FH: variants seen among roughly 807,000 people sequenced by gnomAD.
The protein encoded by FH is fumarate hydratase.
A neutral mutation model predicts 49.4 loss-of-function variants in FH; 22 were observed. That is an observed-to-expected ratio of 0.45 (90% CI 0.32 to 0.64). The LOEUF is 0.64. Among genes scored for constraint, FH ranks in the 30% least tolerant of loss-of-function variants. The probability of loss-of-function intolerance (pLI) is 0.05; values close to 1 mark genes in which losing one functional copy is unlikely to be tolerated. For synonymous variants in FH, 208 were observed against 223.0 expected (o/e 0.93, Z 0.60); for missense variants, 526 against 641.5 (o/e 0.82, Z 1.95).
intron 7 of FH, 34 bp from the exon 8 acceptor site, chr1:241,502,604 T>A (rs201600104): frequency 6.2e-7 from 1 of 1,609,566 alleles, no homozygotes; most frequent in Non-Finnish European, 8.5e-7. Flanking sequence ...GAGTAAAGAC[T>A]AAATTTATGC....
At chr1:241,506,235 C>T in intron 5 of FH, 67 bp from the exon 6 acceptor site, 1 of 1,209,220 alleles carries the variant, frequency 8.3e-7, no homozygotes, top group Non-Finnish European at 1.2e-6. Flanking sequence ...ACTCTAACTG[C>T]ATTAAATAGA....
chr1:241,519,161 C>T (rs1660298056), intron 1 of FH: 1 of 173,704 alleles, frequency 5.8e-6, no homozygotes. Flanking sequence ...CAAGGCCCAG[C>T]TATGGGGCAG....
chr1:241,499,068 A>T (rs1659700597), intron 9 of FH, among the ~76,000 whole-genome samples: 4 of 152,104 alleles, frequency 2.6e-5, no homozygotes, highest in Admixed American at 2.6e-4. Flanking sequence ...TAAACTCTTG[A>T]GATCAATATA....
chr1:241,509,778 A>AAC (rs71174810), intron 4 of FH, among the ~76,000 whole-genome samples: 4,235 of 139,316 alleles, frequency 0.03, 82 homozygotes, highest in East Asian at 0.068. Context: ...ACAATCTCTA[A>AAC]ACACACACAC....
At chr1:241,518,939 T>C (rs1660291457) in intron 1 of FH, 1 of 152,252 alleles carries the variant, frequency 6.6e-6, no homozygotes, top group Non-Finnish European at 1.5e-5. Flanking sequence ...CAGAACACTA[T>C]GCCCGCGGTA....
At position 241,511,988 on chromosome 1, in the gene FH, G is replaced by T. The variant is rs375878939; in HGVS notation, c.534C>A (p.Asn178Lys). The T allele has an allele frequency of 6.2e-7, 1 of 1,613,852 alleles. No individual in the cohort carries two copies. Among genetic ancestry groups the T allele is most frequent in the East Asian group, 2.2e-5 (1 of 44,850 alleles). Residue 178 changes from asparagine (N) to lysine (K), a missense_variant, in exon 4 of 10, where the codon AAC becomes AAA. Asn to Lys is a moderately conservative substitution (Grantham distance 94). Transcript: ENST00000366560. ...TGACCTGGCTTTTATTAACATGATC[G>T]TTGGGATGCACAGGTATCTTGCTGC... ...ELGSKIPVHPNDHVNKSQSSN... is the reference protein window; with the variant it reads ...ELGSKIPVHPKDHVNKSQSSN...
In FH at chr1:241,500,378, A is replaced by C. The variant is rs1465199208; in HGVS notation, c.1390+59T>G. ...AACACTGATCCACTTGTCTCTTAAA[A>C]ATGGTTTAGCTTTTTAATTTTGCAT... On this transcript the variant is annotated intron_variant, in intron 9 of 9. Coordinates refer to ENST00000366560, the MANE Select transcript of FH (RefSeq NM_000143.4). 3 of 1,552,686 alleles carry C rather than the reference A, an allele frequency of 1.9e-6. No homozygotes were observed. In the African/African-American group the frequency reaches 4.1e-5, roughly 21 times the overall value.
chr1:241,519,190 C>T, intron 1 of FH: 1 of 208,070 alleles, frequency 4.8e-6, no homozygotes, highest in South Asian at 6.8e-5. Context: ...GGGAGCTGCC[C>T]CTCTCCCAGC....
At chr1:241,505,062 C>A (rs1039179350) in intron 6 of FH, among the ~76,000 whole-genome samples, 12 of 151,734 alleles carry the variant, frequency 7.9e-5, no homozygotes, top group Admixed American at 2.0e-4. Context: ...GCGCCCGCCA[C>A]CATGCCCGGC....
chr1:241,517,264 A>G lies in FH; in HGVS notation c.185T>C (p.Val62Ala). Residue 62 changes from valine to alanine, a missense_variant, in exon 2 of 10, where the codon GTG becomes GCG. Val to Ala is a moderately conservative substitution (Grantham distance 64). Transcript: ENST00000366560. ...GGCGCCATAATACTTATCATTTGGC[A>G]CCTTTAGTTCACCAAAGGTATCATA... ...IEYDTFGELKVPNDKYYGAQT... is the reference protein window; with the variant it reads ...IEYDTFGELKAPNDKYYGAQT... 6.2e-7 allele frequency: 1 copy of G among 1,614,138 alleles called. No individual in the cohort carries two copies. The highest frequency in any genetic ancestry group is 8.5e-7 in the Non-Finnish European group (1 of 1,180,022).
chr1:241,505,914 A>T, intron 6 of FH, 89 bp downstream of exon 6: 1 of 1,193,590 alleles, frequency 8.4e-7, no homozygotes, highest in African/African-American at 1.5e-5. Flanking sequence ...CTTTAAATTC[A>T]CAAGAATTCA....
In FH at chr1:241,517,221, C is replaced by G. The variant is rs373586584; in HGVS notation, c.228G>C (p.Thr76=). 3.1e-6 allele frequency: 5 copies of G among 1,614,022 alleles called. No individual in the cohort carries two copies. In the African/African-American group the frequency reaches 6.7e-5, roughly 22 times the overall value. The change falls in exon 2 of 10, where the codon ACG becomes ACC. Residue 76 remains threonine (T), a synonymous_variant. Coordinates refer to ENST00000366560, the MANE Select transcript of FH (RefSeq NM_000143.4). ...TCACACCTCCAATCTTAAAGTTCAT[C>G]GTAGATCTCACGGTCTGGGCGCCAT... is the stretch of plus-strand genomic sequence containing the variant. ...KYYGAQTVRS[T]MNFKIGGVTE...
chr1:241,511,895 T>C (rs1254536956), intron 4 of FH, 72 bp downstream of exon 4: 2 of 1,439,198 alleles, frequency 1.4e-6, no homozygotes, highest in East Asian at 4.5e-5. Context: ...AAGTGAATGC[T>C]TGTTTTACAA....
At position 241,519,685 on chromosome 1, in the gene FH, G is replaced by A. The variant is rs1190505598; in HGVS notation, c.38C>T (p.Pro13Leu). The A allele has an allele frequency of 1.9e-6, 3 of 1,547,136 alleles. No homozygotes were observed. The highest frequency in any genetic ancestry group is 1.4e-5 in the African/African-American group (1 of 72,984). ...RALRLLARSR[P>L]LVRAPAAALA... is the part of the protein sequence containing the mutation. The stretch of plus-strand genomic sequence containing the variant: ...GGCTGCGGCTGGAGCCCGCACGAGG[G>A]GACGCGAGCGCGCGAGGAGCCGAAG... Residue 13 changes from proline to leucine, a missense_variant, in exon 1 of 10, where the codon CCC (proline) becomes CTC (leucine). Transcript: ENST00000366560.
In FH at chr1:241,506,111, T is replaced by A. The variant is rs754285771; in HGVS notation, c.796A>T (p.Met266Leu). ...KYAMTRIKAAMPRIYELAAGG... is the reference protein window; with the variant it reads ...KYAMTRIKAALPRIYELAAGG... ...GCTGCGAGCTCATAGATTCTTGGCA[T>A]GGCAGCTTTTATTCTTGTCATTGCA... is the stretch of plus-strand genomic sequence containing the variant. Residue 266 changes from methionine to leucine, a missense_variant, in exon 6 of 10, where the codon ATG (methionine) becomes TTG (leucine). Coordinates refer to ENST00000366560, the MANE Select transcript of FH (RefSeq NM_000143.4). The A allele has an allele frequency of 6.2e-7, 1 of 1,614,026 alleles. No individual in the cohort carries two copies. The highest frequency in any genetic ancestry group is 8.5e-7 in the Non-Finnish European group (1 of 1,179,928).
intron 1 of FH, among the ~76,000 whole-genome samples, chr1:241,517,659 C>T (rs1198500653): frequency 1.3e-5 from 2 of 151,968 alleles, no homozygotes; most frequent in Admixed American, 6.6e-5. Context: ...TAGTTTAATG[C>T]TTATTTTACT....
intron 2 of FH, among the ~76,000 whole-genome samples, chr1:241,516,363 T>A (rs939707490): frequency 6.6e-6 from 1 of 152,156 alleles, no homozygotes; most frequent in African/African-American, 2.4e-5. Flanking sequence ...TGCAGAGATA[T>A]GGATGGAGCT....
At chr1:241,514,745 T>C (rs746147653) in intron 2 of FH, among the ~76,000 whole-genome samples, 1 of 152,198 alleles carries the variant, frequency 6.6e-6, no homozygotes, top group Non-Finnish European at 1.5e-5. Context: ...AAATTTGAAA[T>C]TTCAATTTTA....
At chr1:241,513,255 A>G (rs1177206076) in intron 3 of FH, among the ~76,000 whole-genome samples, 4 of 152,122 alleles carry the variant, frequency 2.6e-5, no homozygotes, top group Admixed American at 6.5e-5. Flanking sequence ...TACATTCTCA[A>G]TATGCATTAT....
Sources: allele counts gnomAD v4.1 joint callset (sites outside exome capture counted in the v4.1 genomes callset), GRCh38; gene constraint gnomAD v4.1.1; transcripts MANE v1.5; gene names NCBI Gene and HGNC (gene_info 2026-07-23, HGNC 2026-07-21).